The following ZNF766 variants were observed in gnomAD, a reference collection of about 807,000 sequenced individuals.
ZNF766 encodes zinc finger protein 766.
A neutral mutation model predicts 13.2 loss-of-function variants in ZNF766; 13 were observed. The ratio of observed to expected loss-of-function variants is 0.98; its 90% CI spans 0.64 to 1.56. ZNF766 has a LOEUF of 1.56. Ranked by LOEUF, ZNF766 falls within the 40% of genes most tolerant of loss-of-function variation. The pLI is 0.00. For synonymous variants in ZNF766, 178 were observed against 187.6 expected, an observed-to-expected ratio of 0.95 and a Z score of 0.42; for missense variants, 521 against 552.2, an observed-to-expected ratio of 0.94 and a Z score of 0.57.
intron 2 of ZNF766, 52 bp from the exon 3 acceptor site, chr19:52,283,233 C>A: frequency 6.3e-7 from 1 of 1,576,782 alleles, no homozygotes; most frequent in Non-Finnish European, 8.6e-7. Flanking sequence ...AAACAGAGGG[C>A]TTGGATTTTG....
In ZNF766 at chr19:52,270,126, G is replaced by C. The variant is rs117772175; in HGVS notation, c.18+495G>C. On this transcript the variant is annotated intron_variant, in intron 1 of 3. Transcript: ENST00000439461. ...CGCAGTCACGGCTTCTCCGGATCCT[G>C]TGTTGGGGGAGGTGGCCGGGACCTA... 7.2e-5 allele frequency among the ~76,000 whole-genome samples: 11 copies of C among 152,298 alleles called. No individual in the cohort carries two copies. In the East Asian group the frequency reaches 1.9e-3, roughly 27 times the overall value.
At chr19:52,287,174 G>T (rs1279649960) in intron 3 of ZNF766, among the ~76,000 whole-genome samples, 2 of 147,022 alleles carry the variant, frequency 1.4e-5, no homozygotes, top group African/African-American at 2.5e-5. Context: ...ACGGAGTCTC[G>T]CCCGGTCGCC....
At chr19:52,283,644 TG>T (rs1433085906) in intron 3 of ZNF766, among the ~76,000 whole-genome samples, 1 of 152,200 alleles carries the variant, frequency 6.6e-6, no homozygotes, top group Non-Finnish European at 1.5e-5. Flanking sequence ...GAGAATTGTG[TG>T]GAGAAATAAG....
chr19:52,291,055 CAG>C lies in ZNF766; in HGVS notation c.1266_1267del (p.Asn423PhefsTer23), dbSNP rs1207261900. ...KCNECGKVFT[Q>X]NSHLANHQRI... is the part of the protein sequence containing the mutation. ...TAATGAGTGTGGCAAAGTCTTCACT[CAG>C]AATTCACACCTTGCAAATCATCAGA... On this transcript the variant is annotated frameshift_variant, in exon 4 of 4. Transcript: ENST00000439461. LOFTEE classifies it low-confidence loss of function (END_TRUNC). The C allele has an allele frequency of 6.2e-7, 1 of 1,614,060 alleles. No homozygotes were observed. The highest frequency in any genetic ancestry group is 1.1e-5 in the South Asian group (1 of 91,076).
chr19:52,292,978 C>T lies in ZNF766; in HGVS notation c.*1780C>T, dbSNP rs1047171737. The stretch of plus-strand genomic sequence containing the variant: ...TATCCCTCTGCCAGCCCCCCACCCC[C>T]CGACAGGCCCCGGTGTGTGATGTTA... On this transcript the variant is annotated 3_prime_UTR_variant, in exon 4 of 4. Transcript: ENST00000439461. The T allele has an allele frequency of 2.0e-5, 3 of 152,048 alleles. No individual in the cohort carries two copies. Among genetic ancestry groups the T allele is most frequent in the Admixed American group, 6.6e-5 (1 of 15,236 alleles). 9.4% of individuals were successfully genotyped at this position (152,048 alleles called of 1,614,324 possible).
intron 1 of ZNF766, among the ~76,000 whole-genome samples, chr19:52,275,007 A>C (rs1420780579): frequency 6.6e-6 from 1 of 152,224 alleles, no homozygotes; most frequent in African/African-American, 2.4e-5. Flanking sequence ...ATGATGCATT[A>C]TCCGCTCATA....
chr19:52,291,724 T>G lies in ZNF766; in HGVS notation c.*526T>G, dbSNP rs1439729704. ...TTGCAGTGAGCTGAGATCGCGCCAC[T>G]GCACTCCAACCTGGGTGACAGAGCG... On this transcript the variant is annotated 3_prime_UTR_variant, in exon 4 of 4. Coordinates refer to ENST00000439461, the MANE Select transcript of ZNF766 (RefSeq NM_001010851.3). The G allele has an allele frequency of 6.2e-6, 1 of 161,310 alleles. No individual in the cohort carries two copies. The highest frequency in any genetic ancestry group is 1.8e-4 in the East Asian group (1 of 5,500). The allele number at this position is 161,310 out of a possible 1,614,324, so 10.0% of individuals were successfully genotyped here.
Position 52,290,780 on chromosome 19 carries a change from A to G in ZNF766, c.989A>G (p.Asn330Ser). 6.2e-7 allele frequency: 1 copy of G among 1,613,962 alleles called. No homozygotes were observed. Among genetic ancestry groups the G allele is most frequent in the Non-Finnish European group, 8.5e-7 (1 of 1,179,874 alleles). The change falls in exon 4 of 4, where the codon AAT becomes AGT. Residue 330 changes from asparagine (N) to serine (S), a missense_variant. Asn to Ser is a conservative substitution (Grantham distance 46, BLOSUM62 1). Transcript: ENST00000439461. The part of the protein sequence containing the change: ...IHTGEKLYKC[N>S]KCGKEFSGHS... ...ACAGGAGAGAAACTTTACAAATGTAATAAATGTGGCAAAGAATTTAGTGGG... is the reference window on the plus strand; with the variant it reads ...ACAGGAGAGAAACTTTACAAATGTAGTAAATGTGGCAAAGAATTTAGTGGG...
At chr19:52,286,155 A>AAG (rs1555795971) in intron 3 of ZNF766, among the ~76,000 whole-genome samples, 1 of 144,904 alleles carries the variant, frequency 6.9e-6, no homozygotes, top group African/African-American at 2.8e-5. Flanking sequence ...TAAAAAAAAA[A>AAG]AAAGAAAGAA....
intron 1 of ZNF766, among the ~76,000 whole-genome samples, chr19:52,271,945 G>A (rs1224499004): frequency 3.1e-5 from 4 of 127,770 alleles, no homozygotes; most frequent in Non-Finnish European, 6.2e-5. Flanking sequence ...TCATGCCACC[G>A]CACTCCAGCC....
At chr19:52,279,688 C>T (rs1281514944) in intron 1 of ZNF766, among the ~76,000 whole-genome samples, 1 of 150,770 alleles carries the variant, frequency 6.6e-6, no homozygotes, top group African/African-American at 2.4e-5. Flanking sequence ...ATAGTAAGAC[C>T]TCACATAAAT....
intron 1 of ZNF766, among the ~76,000 whole-genome samples, chr19:52,278,409 G>A (rs1025377526): frequency 1.4e-4 from 21 of 149,368 alleles, no homozygotes; most frequent in Admixed American, 4.7e-4. Flanking sequence ...CACTTTTTTC[G>A]TTTGTTTGTT....
Position 52,286,188 on chromosome 19 carries a change from T to TCCCCGCCCC in ZNF766, c.274+2779_274+2780insGCCCCCCCC, listed in dbSNP as rs1568621146. ...GAAAGAAAGAATCCAAGTGGGCTTT[T>TCCCCGCCCC]CCCCCCTAATTATAAAGGAAAAGCC... is the stretch of plus-strand genomic sequence containing the variant. On this transcript the variant is annotated intron_variant, in intron 3 of 3. Coordinates refer to ENST00000439461, the MANE Select transcript of ZNF766 (RefSeq NM_001010851.3). Among the ~76,000 whole-genome samples the TCCCCGCCCC allele has an allele frequency of 1.1e-3, 164 of 146,590 alleles. 1 individual carries two copies. The highest frequency in any genetic ancestry group is 4.2e-3 in the African/African-American group (155 of 37,264).
In ZNF766 at chr19:52,293,266, C is replaced by T. The variant is rs769161541; in HGVS notation, c.*2068C>T. ...TTGGCTCACTGCATCCTCTGCCTCC[C>T]GGGTTCAAGTGATTCTCCTGTCTAC... On this transcript the variant is annotated 3_prime_UTR_variant, in exon 4 of 4. Coordinates refer to ENST00000439461, the MANE Select transcript of ZNF766 (RefSeq NM_001010851.3). 1.3e-5 allele frequency: 2 copies of T among 151,336 alleles called. No homozygotes were observed. Among genetic ancestry groups the T allele is most frequent in the Admixed American group, 6.6e-5 (1 of 15,170 alleles). The allele number at this position is 151,336 out of a possible 1,614,324, so 9.4% of individuals were successfully genotyped here.
In ZNF766 at chr19:52,292,160, T is replaced by C. The variant is rs780808839; in HGVS notation, c.*962T>C. 1 of 702,914 alleles carries C rather than the reference T, an allele frequency of 1.4e-6. No homozygotes were observed. The highest frequency in any genetic ancestry group is 1.5e-5 in the South Asian group (1 of 67,568). 43.5% of individuals were successfully genotyped at this position (702,914 alleles called of 1,614,324 possible). A position where few individuals can be genotyped will look rare whatever the true frequency, so the allele number is the denominator to read the frequency against. On this transcript the variant is annotated 3_prime_UTR_variant, in exon 4 of 4. Transcript: ENST00000439461. ...TGCCTTCCCTACAGGCCTTTCACTG[T>C]GGTCTGGGAAAGAATCAGTAAGATG... is the stretch of plus-strand genomic sequence containing the variant.
rs1259099398 is a variant in ZNF766 at position 52,290,797 on chromosome 19, T to C, written c.1006T>C (p.Phe336Leu). ...CAAATGTAATAAATGTGGCAAAGAATTTAGTGGGCATTCAAGCCTCACCAC... is the reference window on the plus strand; with the variant it reads ...CAAATGTAATAAATGTGGCAAAGAACTTAGTGGGCATTCAAGCCTCACCAC... Reference protein sequence around the residue: ...LYKCNKCGKEFSGHSSLTTHL... With the variant: ...LYKCNKCGKELSGHSSLTTHL... Residue 336 changes from phenylalanine to leucine, a missense_variant, in exon 4 of 4, where the codon TTT (phenylalanine) becomes CTT (leucine). Phe to Leu is a conservative substitution (Grantham distance 22). Transcript: ENST00000439461. The C allele has an allele frequency of 1.9e-6, 3 of 1,613,860 alleles. No individual in the cohort carries two copies. The highest frequency in any genetic ancestry group is 3.3e-4 in the Middle Eastern group (2 of 6,062).
chr19:52,274,677 G>A (rs1054425173), intron 1 of ZNF766: 8 of 152,214 alleles, frequency 5.3e-5, no homozygotes, highest in Non-Finnish European at 1.2e-4. Flanking sequence ...GAGGTCAGTA[G>A]TGTCAGGAGT....
chr19:52,294,159 A>C lies in ZNF766; in HGVS notation c.*2961A>C, dbSNP rs1360009915. On this transcript the variant is annotated 3_prime_UTR_variant, in exon 4 of 4. Coordinates refer to ENST00000439461, the MANE Select transcript of ZNF766 (RefSeq NM_001010851.3). ...GAAAATAGGACAAAGTGTGGACTTC[A>C]GGATGAAAATATTGTAACAATCTTG... is the stretch of plus-strand genomic sequence containing the variant. The C allele has an allele frequency of 2.0e-5, 3 of 152,212 alleles. No individual in the cohort carries two copies. The East Asian group carries it at 5.8e-4, about 29-fold the overall frequency. 9.4% of individuals were successfully genotyped at this position (152,212 alleles called of 1,614,324 possible).
At chr19:52,269,771 A>G (rs1053591220) in intron 1 of ZNF766, 140 bp downstream of exon 1, 2 of 1,186,822 alleles carry the variant, frequency 1.7e-6, no homozygotes, top group East Asian at 2.7e-5. Context: ...GTCCCGTCAG[A>G]GTGTTAAAAT....
Sources: gnomAD v4.1 joint callset for allele counts (sites outside exome capture counted in the v4.1 genomes callset) on GRCh38, gnomAD v4.1.1 for gene constraint, MANE v1.5 for transcripts, NCBI Gene and HGNC (gene_info 2026-07-23, HGNC 2026-07-21) for gene names.